PKHD1L1: variants seen among roughly 807,000 people sequenced by gnomAD.
PKHD1L1 encodes the protein PKHD1 like 1.
Under a neutral mutation model 462.9 loss-of-function variants are expected in PKHD1L1, and 434 were observed. That is an observed-to-expected ratio of 0.94 (90% CI 0.87 to 1.02). The LOEUF (loss-of-function observed/expected upper bound fraction) is 1.02, where lower values mean the gene tolerates loss of function less well. Ranked by LOEUF, PKHD1L1 falls within the 50% of genes least tolerant of loss-of-function variation. PKHD1L1 has a pLI of 0.00. For synonymous variants in PKHD1L1, 1,781 were observed against 1,750.0 expected (o/e 1.02, Z -0.44); for missense variants, 5,202 against 5,096.1 (o/e 1.02, Z -0.63).
chr8:109,429,484 T>A (rs371416310), intron 26 of PKHD1L1, 22 bp downstream of exon 26: 54 of 1,590,086 alleles, frequency 3.4e-5, no homozygotes, highest in Admixed American at 1.2e-4. Flanking sequence ...ACTTTTCTCA[T>A]GATGCTTAAT....
At chr8:109,420,439 CCT>C (rs1456876240) in intron 22 of PKHD1L1, 77 bp from the exon 23 acceptor site, 1 of 820,648 alleles carries the variant, frequency 1.2e-6, no homozygotes, top group African/African-American at 1.8e-5. Context: ...AATTTTATCT[CCT>C]CTATTAGGTT....
rs1378386723 is a variant in PKHD1L1 at position 109,412,279 on chromosome 8, A to C, written c.2100A>C (p.Arg700Ser). 3 of 1,613,112 alleles carry C rather than the reference A, an allele frequency of 1.9e-6. No individual in the cohort carries two copies. Among genetic ancestry groups the C allele is most frequent in the Non-Finnish European group, 1.7e-6 (2 of 1,179,520 alleles). The change falls in exon 20 of 78, where the codon AGA becomes AGC. Residue 700 changes from arginine (R) to serine (S), a missense_variant. This residue lies in a region of PKHD1L1 where 4,497 missense variants were observed against 4,336.8 expected (regional missense o/e 1.04). Coordinates refer to ENST00000378402, the MANE Select transcript of PKHD1L1 (RefSeq NM_177531.6). ...ETDFNLEHIN[R>S]GQKTAETDAY... is the part of the protein sequence containing the mutation. ...TGTTTCGGTAGGAACATATTAACAGAGGGCAGAAGACAGCTGAAACCGATG... is the reference window on the plus strand; with the variant it reads ...TGTTTCGGTAGGAACATATTAACAGCGGGCAGAAGACAGCTGAAACCGATG...
At chr8:109,508,054 A>G (rs1275548973) in intron 69 of PKHD1L1, 43 bp from the exon 70 acceptor site, 3 of 1,540,848 alleles carry the variant, frequency 1.9e-6, no homozygotes, top group Admixed American at 4.2e-5. Flanking sequence ...TTTTGCAAAG[A>G]GATTCTGTAT....
intron 19 of PKHD1L1, among the ~76,000 whole-genome samples, chr8:109,411,325 T>TA (rs1563748524): frequency 6.6e-6 from 1 of 152,098 alleles, no homozygotes; most frequent in Admixed American, 6.6e-5. Flanking sequence ...ACTGTAAGAA[T>TA]AAAAAATGTA....
rs200280185 is a variant in PKHD1L1 at position 109,390,482 on chromosome 8, A to G, written c.728A>G (p.Asn243Ser). The G allele has an allele frequency of 1.2e-4, 173 of 1,450,440 alleles. No individual in the cohort carries two copies. In the Middle Eastern group the frequency reaches 1.8e-3, roughly 15 times the overall value. 89.8% of individuals were successfully genotyped at this position (1,450,440 alleles called of 1,614,324 possible). Residue 243 changes from asparagine (N) to serine (S), a missense_variant, in exon 9 of 78, where the codon AAT becomes AGT. Asn to Ser is a conservative substitution (Grantham distance 46). This residue lies in a region of PKHD1L1 where 4,497 missense variants were observed against 4,336.8 expected (regional missense o/e 1.04). Transcript: ENST00000378402. Reference protein sequence around the residue: ...GHHNVSFILDNDYGRSFPQKM... With the variant: ...GHHNVSFILDSDYGRSFPQKM... ...CACAATGTCAGCTTCATCTTAGATA[A>G]TGATTATGGAAGGTAGGCTATTTTG... is the stretch of plus-strand genomic sequence containing the variant.
chr8:109,483,699 A>C (rs1319321231), intron 57 of PKHD1L1, among the ~76,000 whole-genome samples: 2 of 151,234 alleles, frequency 1.3e-5, no homozygotes, highest in Non-Finnish European at 3.0e-5. Context: ...AAAATTATTT[A>C]TTATAAATTC....
At chr8:109,511,014 C>T (rs1819947878) in intron 71 of PKHD1L1, 80 bp downstream of exon 71, 1 of 1,449,762 alleles carries the variant, frequency 6.9e-7, no homozygotes, top group Admixed American at 1.9e-5. Context: ...TACCTCCTCC[C>T]CTGTTCTAAC....
Position 109,418,762 on chromosome 8 carries a change from T to C in PKHD1L1, c.2361-335T>C, listed in dbSNP as rs1483454724. On this transcript the variant is annotated intron_variant, in intron 21 of 77. Coordinates refer to ENST00000378402, the MANE Select transcript of PKHD1L1 (RefSeq NM_177531.6). ...ACAAAAATTGTTGACTCCATTCTTG[T>C]GTCTTGTTTTGTTAATATGCTCTAC... 2.0e-5 allele frequency among the ~76,000 whole-genome samples: 3 copies of C among 152,170 alleles called. No homozygotes were observed. The East Asian group carries it at 5.8e-4, about 29-fold the overall frequency.
intron 2 of PKHD1L1, among the ~76,000 whole-genome samples, chr8:109,369,002 G>A (rs1038922541): frequency 3.3e-5 from 5 of 149,592 alleles, no homozygotes; most frequent in African/African-American, 9.8e-5. Context: ...TTTTTGAGAT[G>A]GAGTTTCACT....
intron 31 of PKHD1L1, 145 bp downstream of exon 31, chr8:109,438,601 A>C (rs1489655804): frequency 1.4e-6 from 1 of 706,112 alleles, no homozygotes; most frequent in Non-Finnish European, 2.2e-6. Context: ...GTTTTATCAT[A>C]GATTAATCTA....
At chr8:109,411,253 GC>G (rs769854552) in intron 19 of PKHD1L1, among the ~76,000 whole-genome samples, 1 of 151,978 alleles carries the variant, frequency 6.6e-6, no homozygotes, top group Non-Finnish European at 1.5e-5. Flanking sequence ...TTGAATATGT[GC>G]TTTCTAATTC....
intron 2 of PKHD1L1, among the ~76,000 whole-genome samples, chr8:109,366,569 T>A (rs1241239424): frequency 6.6e-6 from 1 of 152,182 alleles, no homozygotes; most frequent in Non-Finnish European, 1.5e-5. Flanking sequence ...ATTGTATACC[T>A]AAATGTTTGC....
intron 25 of PKHD1L1, among the ~76,000 whole-genome samples, chr8:109,428,018 CG>C (rs1489557840): frequency 1.4e-5 from 1 of 72,060 alleles, no homozygotes; most frequent in Admixed American, 2.4e-4. Context: ...AGCAAAACTC[CG>C]TCTCAAAAAA....
chr8:109,487,283 A>G (rs1326413782), intron 59 of PKHD1L1, among the ~76,000 whole-genome samples: 1 of 151,984 alleles, frequency 6.6e-6, no homozygotes, highest in Non-Finnish European at 1.5e-5. Context: ...GATTGTATTG[A>G]AGTAATCACG....
chr8:109,429,420 T>A lies in PKHD1L1; in HGVS notation c.3081T>A (p.His1027Gln), dbSNP rs774865005. 1.6e-5 allele frequency: 25 copies of A among 1,607,070 alleles called. No homozygotes were observed. In the Middle Eastern group the frequency reaches 6.6e-4, roughly 42 times the overall value. Reference sequence around the variant, plus strand: ...AGGAAGGTGGCTTATTCAGACAACATGTACTTGGAGACCTACTTCGTACAC... The same window carrying A: ...AGGAAGGTGGCTTATTCAGACAACAAGTACTTGGAGACCTACTTCGTACAC... ...RIKEGGLFRQHVLGDLLRTPS... is the reference protein window; with the variant it reads ...RIKEGGLFRQQVLGDLLRTPS... The change falls in exon 26 of 78, where the codon CAT (histidine) becomes CAA (glutamine). Residue 1027 changes from histidine (H) to glutamine (Q), a missense_variant. Coordinates refer to ENST00000378402, the MANE Select transcript of PKHD1L1 (RefSeq NM_177531.6).
At chr8:109,418,784 C>T (rs1351343430) in intron 21 of PKHD1L1, among the ~76,000 whole-genome samples, 1 of 152,170 alleles carries the variant, frequency 6.6e-6, no homozygotes, top group Non-Finnish European at 1.5e-5. Context: ...TTAATATGCT[C>T]TACACAAATG....
intron 2 of PKHD1L1, among the ~76,000 whole-genome samples, chr8:109,372,126 C>T (rs1180393248): frequency 3.3e-5 from 5 of 152,188 alleles, no homozygotes; most frequent in African/African-American, 1.2e-4. Context: ...TTGATTCTTC[C>T]TACCCATGAA....
intron 24 of PKHD1L1, among the ~76,000 whole-genome samples, chr8:109,426,008 T>C (rs1322899485): frequency 1.3e-5 from 2 of 152,188 alleles, no homozygotes; most frequent in Non-Finnish European, 2.9e-5. Flanking sequence ...TCTAGACAAC[T>C]ATAATAAACA....
chr8:109,476,718 G>C lies in PKHD1L1; in HGVS notation c.8917+51G>C, dbSNP rs901696895. On this transcript the variant is annotated intron_variant, in intron 52 of 77. Transcript: ENST00000378402. The stretch of plus-strand genomic sequence containing the variant: ...AGTTTATCTAATGCTTTGTCTAAAA[G>C]ATGAGAAAAATTGCTTAATAAGCAA... 2.7e-6 allele frequency: 4 copies of C among 1,497,920 alleles called. No homozygotes were observed. The African/African-American group carries it at 5.6e-5, about 21-fold the overall frequency. 92.8% of individuals were successfully genotyped at this position (1,497,920 alleles called of 1,614,324 possible).
Sources: gnomAD v4.1 joint callset for allele counts (sites outside exome capture counted in the v4.1 genomes callset) on GRCh38, gnomAD v4.1.1 for gene constraint, gnomAD v4.1.1 regional missense constraint, MANE v1.5 for transcripts, NCBI Gene and HGNC (gene_info 2026-07-23, HGNC 2026-07-21) for gene names.